Variants in ARSG observed in about 807,000 individuals in gnomAD.
The protein encoded by ARSG is arylsulfatase G.
ARSG carries 37 observed loss-of-function variants against 50.5 expected under a neutral mutation model. The ratio of observed to expected loss-of-function variants is 0.73; its 90% CI spans 0.56 to 0.96. The LOEUF (loss-of-function observed/expected upper bound fraction) is 0.96, where lower values mean the gene tolerates loss of function less well. ARSG is among the 50% of genes least tolerant of loss of function. The pLI, the probability that ARSG is intolerant of heterozygous loss-of-function variation, is 0.00. For synonymous variants in ARSG, 225 were observed against 254.6 expected (o/e 0.88, Z 1.11); for missense variants, 629 against 675.3 (o/e 0.93, Z 0.76).
rs2079614970 is a variant in ARSG, at chr17:68,367,756, A to G, written c.705-792A>G. 6.6e-6 allele frequency among the ~76,000 whole-genome samples: 1 copy of G among 152,186 alleles called. No individual in the cohort carries two copies. The highest frequency in any genetic ancestry group is 6.6e-5 in the Admixed American group (1 of 15,264). On this transcript the variant is annotated intron_variant, in intron 6 of 11. Coordinates refer to ENST00000621439, the MANE Select transcript of ARSG (RefSeq NM_001267727.2). This position sits in a 1 kb window ranked among gnomAD's most constrained non-coding sequence, Gnocchi z 4.5. ...TTGAAATTCCTGTGATCAACTTGAG[A>G]CAACCATTTATCTCTTAGAAAGGAA...
intron 6 of ARSG, among the ~76,000 whole-genome samples, chr17:68,358,282 C>T (rs555971173): frequency 6.6e-6 from 1 of 152,084 alleles, no homozygotes; most frequent in South Asian, 2.1e-4. Flanking sequence ...GCGGTGGCTC[C>T]TACCTGTAAT....
intron 11 of ARSG, among the ~76,000 whole-genome samples, chr17:68,419,231 T>C (rs1432566938): frequency 6.6e-6 from 1 of 152,112 alleles, no homozygotes; most frequent in African/African-American, 2.4e-5. Flanking sequence ...AAAAATCAAA[T>C]TTACTCCTAA....
intron 1 of ARSG, among the ~76,000 whole-genome samples, chr17:68,294,955 G>A (rs1325842166): frequency 1.3e-5 from 2 of 152,286 alleles, no homozygotes; most frequent in South Asian, 2.1e-4. Context: ...GGCACAGATA[G>A]TGATGACGAT....
intron 2 of ARSG, among the ~76,000 whole-genome samples, chr17:68,326,597 G>A (rs1405791777): frequency 8.5e-5 from 13 of 152,178 alleles, no homozygotes; most frequent in South Asian, 6.2e-4. Flanking sequence ...CCTGGGAGGC[G>A]GAGGTTGTGG....
At chr17:68,451,113 C>A in the ARSG span, among the ~76,000 whole-genome samples, 1 of 152,234 alleles carries the variant, frequency 6.6e-6, no homozygotes, top group Non-Finnish European at 1.5e-5. Context: ...CTTTCAGAGT[C>A]CTTTCCAAAT....
chr17:68,343,661 C>T lies in ARSG; in HGVS notation c.276C>T (p.Leu92=), dbSNP rs1278075559. 6.2e-7 allele frequency: 1 copy of T among 1,614,076 alleles called. No individual in the cohort carries two copies. Among genetic ancestry groups the T allele is most frequent in the Non-Finnish European group, 8.5e-7 (1 of 1,179,968 alleles). Residue 92 remains leucine, a synonymous_variant, in exon 3 of 12, where the codon CTC becomes CTT. Transcript: ENST00000621439. ...GCTCACCCTCCCGGGCTTCCTTGCT[C>T]ACCGGCCGGCTTGGCCTTCGCAATG... ...STCSPSRASL[L]TGRLGLRNGV...
chr17:68,267,496 T>A (rs1228315937), intron 1 of ARSG: 1 of 152,218 alleles, frequency 6.6e-6, no homozygotes, highest in African/African-American at 2.4e-5. Context: ...TATGCCACTT[T>A]CATTTCAGTG....
At chr17:68,380,169 CA>C (rs2080361384) in intron 8 of ARSG, among the ~76,000 whole-genome samples, 1 of 152,056 alleles carries the variant, frequency 6.6e-6, no homozygotes, top group Non-Finnish European at 1.5e-5. Flanking sequence ...GTCTTTCTTC[CA>C]ATTTTCTTTT....
At chr17:68,396,624 C>G (rs1352178374) in intron 10 of ARSG, among the ~76,000 whole-genome samples, 1 of 152,176 alleles carries the variant, frequency 6.6e-6, no homozygotes, top group Non-Finnish European at 1.5e-5. Flanking sequence ...TGCTAAGGGT[C>G]ACATGGAAGT....
At chr17:68,431,779 G>A in the ARSG span, among the ~76,000 whole-genome samples, 4 of 152,298 alleles carry the variant, frequency 2.6e-5, no homozygotes, top group South Asian at 2.1e-4. Context: ...CAGGTTGAGC[G>A]GAGAACCCAG....
chr17:68,397,237 A>G (rs2081286145), intron 10 of ARSG, among the ~76,000 whole-genome samples: 2 of 152,142 alleles, frequency 1.3e-5, no homozygotes, highest in Non-Finnish European at 2.9e-5. Context: ...CAGCATCGTC[A>G]CGGGGAGGTA....
At chr17:68,345,930 C>A (rs2078481732) in intron 3 of ARSG, among the ~76,000 whole-genome samples, 1 of 152,138 alleles carries the variant, frequency 6.6e-6, no homozygotes, top group Non-Finnish European at 1.5e-5. Flanking sequence ...GGCTGGAGTA[C>A]AGTGGCTCAA....
chr17:68,380,231 C>CTCTT (rs955774461), intron 8 of ARSG, among the ~76,000 whole-genome samples: 1 of 150,588 alleles, frequency 6.6e-6, no homozygotes, highest in Non-Finnish European at 1.5e-5. Context: ...CTTCCTTTCT[C>CTCTT]TCTTTCTTTC....
chr17:68,395,090 C>T lies in ARSG; in HGVS notation c.1109C>T (p.Pro370Leu), dbSNP rs1176638615. 4 of 1,613,990 alleles carry T rather than the reference C, an allele frequency of 2.5e-6. No homozygotes were observed. The South Asian group carries it at 3.3e-5, about 13-fold the overall frequency. ...TTCCGCAGCGTGCTGGACATTTTTC[C>T]AACTGTGGTAGCCCTGGCCCAGGCC... ...TALLSVLDIF[P>L]TVVALAQASL... The change falls in exon 10 of 12, where the codon CCA (proline) becomes CTA (leucine). Residue 370 changes from proline to leucine, a missense_variant. By Grantham distance (98) the Pro-to-Leu change is moderately conservative. Transcript: ENST00000621439.
At position 68,399,597 on chromosome 17, in the gene ARSG, T is replaced by C. The variant is rs1171773127; in HGVS notation, c.1213-1763T>C. ...TTCTCAAACAAACAAAAAAAATGCA[T>C]AGACAAGTTCTCCAAAGTCCATCTA... On this transcript the variant is annotated intron_variant, in intron 10 of 11. Coordinates refer to ENST00000621439, the MANE Select transcript of ARSG (RefSeq NM_001267727.2). The surrounding 1 kb of genome is among the most constrained non-coding windows in gnomAD (Gnocchi z 4.6). Among the ~76,000 whole-genome samples, 1 of 152,120 alleles carries C rather than the reference T, an allele frequency of 6.6e-6. No homozygotes were observed. The highest frequency in any genetic ancestry group is 1.5e-5 in the Non-Finnish European group (1 of 68,016).
intron 4 of ARSG, 109 bp downstream of exon 4, chr17:68,347,281 A>G (rs559689389): frequency 7.7e-7 from 1 of 1,291,900 alleles, no homozygotes; most frequent in South Asian, 1.2e-5. Flanking sequence ...ACCCTAAGTT[A>G]GGACATCTTT....
intron 8 of ARSG, among the ~76,000 whole-genome samples, chr17:68,371,175 C>T (rs2079821825): frequency 6.6e-6 from 1 of 152,000 alleles, no homozygotes; most frequent in Non-Finnish European, 1.5e-5. Context: ...AAAAAATTAG[C>T]CGGGCGTGGT....
At chr17:68,320,414 G>A (rs1255639514) in intron 2 of ARSG, among the ~76,000 whole-genome samples, 1 of 152,238 alleles carries the variant, frequency 6.6e-6, no homozygotes. Flanking sequence ...TTAAAATGAA[G>A]GGAGAGGAGA....
chr17:68,443,012 C>T, the ARSG span, among the ~76,000 whole-genome samples: 2 of 152,228 alleles, frequency 1.3e-5, no homozygotes, highest in Non-Finnish European at 2.9e-5. Flanking sequence ...TCTTCACGTA[C>T]CGTCTTCCAT....
Sources: allele counts gnomAD v4.1 joint callset (sites outside exome capture counted in the v4.1 genomes callset), GRCh38; gene constraint gnomAD v4.1.1; non-coding constraint Gnocchi (gnomAD v3.1); transcripts MANE v1.5; gene names NCBI Gene and HGNC (gene_info 2026-07-23, HGNC 2026-07-21).